ZNF507: variants seen among roughly 807,000 people sequenced by gnomAD.
ZNF507 encodes zinc finger protein 507.
A neutral mutation model predicts 80.0 loss-of-function variants in ZNF507; 29 were observed. The ratio of observed to expected loss-of-function variants is 0.36; its 90% CI spans 0.27 to 0.49. The LOEUF (loss-of-function observed/expected upper bound fraction) is 0.49. ZNF507 is among the 20% of genes least tolerant of loss of function. The pLI, the probability that ZNF507 is intolerant of heterozygous loss-of-function variation, is 0.98. For synonymous variants in ZNF507, 462 were observed against 422.5 expected (o/e 1.09, Z -1.15); for missense variants, 1,081 against 1,152.2 (o/e 0.94, Z 0.90).
chr19:32,385,055 A>T lies in ZNF507; in HGVS notation c.*1972A>T, dbSNP rs1219508766. The T allele has an allele frequency of 6.6e-6, 1 of 152,142 alleles. No individual in the cohort carries two copies. The highest frequency in any genetic ancestry group is 1.5e-5 in the Non-Finnish European group (1 of 68,016). 9.4% of individuals were successfully genotyped at this position (152,142 alleles called of 1,614,324 possible). ...GTACAATGACTCAGTATTTCTTTATAAAAATCTGTTGTTCTGAAAATCAAC... is the reference window on the plus strand; with the variant it reads ...GTACAATGACTCAGTATTTCTTTATTAAAATCTGTTGTTCTGAAAATCAAC... On this transcript the variant is annotated 3_prime_UTR_variant, in exon 7 of 7. Coordinates refer to ENST00000355898, the MANE Select transcript of ZNF507 (RefSeq NM_001136156.2).
chr19:32,359,300 A>G (rs539898734), intron 4 of ZNF507: 5 of 152,320 alleles, frequency 3.3e-5, no homozygotes, highest in East Asian at 1.9e-4. Flanking sequence ...GAAAATTTCA[A>G]TTTTAGAAAC....
At chr19:32,381,005 C>A (rs552264063) in intron 5 of ZNF507, among the ~76,000 whole-genome samples, 1 of 152,104 alleles carries the variant, frequency 6.6e-6, no homozygotes, top group African/African-American at 2.4e-5. Context: ...CTGGAAGCAA[C>A]CAAGATATTG....
In ZNF507 at chr19:32,356,649, A is replaced by G. The variant is rs1329027467; in HGVS notation, c.2161A>G (p.Ser721Gly). ...QLRNHEREQH[S>G]LPDTLSIATS... ...GAGGAACCATGAGAGAGAACAGCAC[A>G]GTCTTCCAGATACCTTGTCAATAGC... Residue 721 changes from serine (S) to glycine (G), a missense_variant, in exon 4 of 7, where the codon AGT (serine) becomes GGT (glycine). Coordinates refer to ENST00000355898, the MANE Select transcript of ZNF507 (RefSeq NM_001136156.2). 1 of 1,614,030 alleles carries G rather than the reference A, an allele frequency of 6.2e-7. No individual in the cohort carries two copies.
rs113222945 is a variant in ZNF507, at chr19:32,382,734, C to G, written c.2513C>G (p.Pro838Arg). 41 of 1,612,446 alleles carry G rather than the reference C, an allele frequency of 2.5e-5. No individual in the cohort carries two copies. The African/African-American group carries it at 5.2e-4, about 21-fold the overall frequency. ...TTTTTAAGAGTTCTGGGGAAATCCC[C>G]TGGAAAGACTCAATTAAAGAGCAGT... Reference protein sequence around the residue: ...SQSGRVLGKSPGKTQLKSSEE... With the variant: ...SQSGRVLGKSRGKTQLKSSEE... The change falls in exon 7 of 7, where the codon CCT (proline) becomes CGT (arginine). Residue 838 changes from proline (P) to arginine (R), a missense_variant. By Grantham distance (103) the Pro-to-Arg change is moderately radical. Coordinates refer to ENST00000355898, the MANE Select transcript of ZNF507 (RefSeq NM_001136156.2).
Position 32,386,637 on chromosome 19 carries a change from C to T in ZNF507, c.*3554C>T, listed in dbSNP as rs993125604. ...ATTTGCATTTTGTAAAATTATCCTG[C>T]ACATCAAGCTGCATGCCTTAAAGCG... On this transcript the variant is annotated 3_prime_UTR_variant, in exon 7 of 7. Coordinates refer to ENST00000355898, the MANE Select transcript of ZNF507 (RefSeq NM_001136156.2). 3 of 152,582 alleles carry T rather than the reference C, an allele frequency of 2.0e-5. No homozygotes were observed. Among genetic ancestry groups the T allele is most frequent in the Non-Finnish European group, 2.9e-5 (2 of 68,048 alleles). The allele number at this position is 152,582 out of a possible 1,614,324, so 9.5% of individuals were successfully genotyped here.
intron 2 of ZNF507, among the ~76,000 whole-genome samples, chr19:32,351,695 A>C (rs1967171303): frequency 6.6e-6 from 1 of 152,094 alleles, no homozygotes; most frequent in South Asian, 2.1e-4. Flanking sequence ...TTTGGTCTAT[A>C]GCTAGTGCCA....
At position 32,349,364 on chromosome 19, in the gene ZNF507, G is replaced by T. The variant is rs1967133915; in HGVS notation, c.-3+2026G>T. ...GCAAATGGATGATGTCTGGCATGCT[G>T]CCCATCCTTTGGGAACCAGTGGACA... On this transcript the variant is annotated intron_variant, in intron 2 of 6. Coordinates refer to ENST00000355898, the MANE Select transcript of ZNF507 (RefSeq NM_001136156.2). 2.0e-5 allele frequency among the ~76,000 whole-genome samples: 3 copies of T among 152,030 alleles called. No homozygotes were observed. In the South Asian group the frequency reaches 6.2e-4, roughly 31 times the overall value.
chr19:32,356,912 G>A, intron 4 of ZNF507, 179 bp downstream of exon 4: 1 of 595,752 alleles, frequency 1.7e-6, no homozygotes. Flanking sequence ...GAATGAAGCA[G>A]ATGATTACTA....
At chr19:32,362,009 C>G (rs1349589136) in intron 5 of ZNF507, among the ~76,000 whole-genome samples, 2 of 151,894 alleles carry the variant, frequency 1.3e-5, no homozygotes, top group Non-Finnish European at 2.9e-5. Context: ...ACCTCCGCCT[C>G]CCGGGTTCAA....
At position 32,382,993 on chromosome 19, in the gene ZNF507, A is replaced by G. The variant is rs774611017; in HGVS notation, c.2772A>G (p.Glu924=). 2 of 1,614,166 alleles carry G rather than the reference A, an allele frequency of 1.2e-6. No individual in the cohort carries two copies. The highest frequency in any genetic ancestry group is 2.2e-5 in the South Asian group (2 of 91,080). ...CICGFESTSK[E]NLLDHMKEHE... ...GTGGTTTTGAATCAACCAGCAAAGA[A>G]AACCTCTTGGATCATATGAAAGAGC... The change falls in exon 7 of 7, where the codon GAA becomes GAG. Residue 924 remains glutamate (E), a synonymous_variant. Transcript: ENST00000355898.
At chr19:32,356,820 G>T (rs747243809) in intron 4 of ZNF507, 87 bp downstream of exon 4, 3 of 983,670 alleles carry the variant, frequency 3.0e-6, no homozygotes, top group Admixed American at 3.4e-5. Context: ...TATTTTCAGG[G>T]CAAAAGCCTA....
intron 5 of ZNF507, among the ~76,000 whole-genome samples, chr19:32,381,170 T>C (rs998211204): frequency 1.3e-5 from 2 of 152,098 alleles, no homozygotes; most frequent in African/African-American, 4.8e-5. Flanking sequence ...GGCAAAACTA[T>C]GGAGTCAACA....
intron 5 of ZNF507, among the ~76,000 whole-genome samples, chr19:32,381,437 CA>C (rs1290286924): frequency 2.6e-5 from 4 of 151,888 alleles, no homozygotes; most frequent in African/African-American, 9.7e-5. Context: ...CCATCTCTAC[CA>C]AAAATATGAA....
intron 5 of ZNF507, among the ~76,000 whole-genome samples, chr19:32,371,858 C>G (rs1233210844): frequency 1.3e-5 from 2 of 151,932 alleles, no homozygotes; most frequent in Non-Finnish European, 2.9e-5. Flanking sequence ...CCAGGATGGT[C>G]TCAATCTCCT....
At position 32,374,169 on chromosome 19, in the gene ZNF507, A is replaced by AACACACACACACACACACACAC. The variant is rs56820529; in HGVS notation, c.2361-8278_2361-8277insACACACACACACACACACACAC. ...CAGCTCGGAACCGTGCAAAGCAAGG[A>AACACACACACACACACACACAC]ACACACACACACACACACACTCTCT... On this transcript the variant is annotated intron_variant, in intron 5 of 6. Transcript: ENST00000355898. 5.6e-3 allele frequency among the ~76,000 whole-genome samples: 844 copies of AACACACACACACACACACACAC among 149,864 alleles called. 10 individuals are homozygous for AACACACACACACACACACACAC. The highest frequency in any genetic ancestry group is 0.02 in the African/African-American group (791 of 40,504).
chr19:32,363,534 G>A (rs1239366213), intron 5 of ZNF507, among the ~76,000 whole-genome samples: 4 of 152,098 alleles, frequency 2.6e-5, no homozygotes, highest in African/African-American at 9.7e-5. Flanking sequence ...TTGAATCTGA[G>A]CTCTCCCACT....
chr19:32,372,442 G>A (rs1031857448), intron 5 of ZNF507, among the ~76,000 whole-genome samples: 3 of 152,122 alleles, frequency 2.0e-5, no homozygotes, highest in African/African-American at 2.4e-5. Flanking sequence ...GGCTCTGATA[G>A]CATGGCAAAC....
intron 2 of ZNF507, among the ~76,000 whole-genome samples, chr19:32,351,267 G>A (rs888651902): frequency 4.6e-5 from 7 of 152,116 alleles, no homozygotes; most frequent in African/African-American, 1.2e-4. Flanking sequence ...GGAAGAAATA[G>A]TACTGAAGAA....
Position 32,354,852 on chromosome 19 carries a change from C to G in ZNF507, c.2022C>G (p.Cys674Trp). The change falls in exon 3 of 7, where the codon TGC (cysteine) becomes TGG (tryptophan). Residue 674 changes from cysteine (C) to tryptophan (W), a missense_variant. Coordinates refer to ENST00000355898, the MANE Select transcript of ZNF507 (RefSeq NM_001136156.2). ...GACAGCCTTATCAGTGTCCTATCTG[C>G]GAGCACATAGCGGACAACAGCAAAG... ...RQRQPYQCPI[C>W]EHIADNSKDL... 1 of 1,614,118 alleles carries G rather than the reference C, an allele frequency of 6.2e-7. No individual in the cohort carries two copies. The highest frequency in any genetic ancestry group is 8.5e-7 in the Non-Finnish European group (1 of 1,180,018).
Sources: gnomAD v4.1 joint callset for allele counts (sites outside exome capture counted in the v4.1 genomes callset) on GRCh38, gnomAD v4.1.1 for gene constraint, MANE v1.5 for transcripts, NCBI Gene and HGNC (gene_info 2026-07-23, HGNC 2026-07-21) for gene names.